The following ENOX1 variants were observed in gnomAD, a reference collection of about 807,000 sequenced individuals.
ENOX1 encodes the protein ecto-NOX disulfide-thiol exchanger 1, also known as candidate growth-related and time keeping constitutive hydroquinone (NADH) oxidase.
Under a neutral mutation model 82.5 loss-of-function variants are expected in ENOX1, and 42 were observed. That is an observed-to-expected ratio of 0.51 (90% CI 0.40 to 0.66). ENOX1 has a LOEUF of 0.66. ENOX1 is among the 30% of genes least tolerant of loss of function. The pLI, the probability that ENOX1 is intolerant of heterozygous loss-of-function variation, is 0.00. For missense variants in ENOX1, 608 were observed against 811.6 expected (o/e 0.75, Z 3.05); for synonymous variants, 271 against 282.2 (o/e 0.96, Z 0.40).
chr13:43,317,633 C>T (rs1476498448), intron 11 of ENOX1, among the ~76,000 whole-genome samples: 7 of 151,632 alleles, frequency 4.6e-5, no homozygotes, highest in African/African-American at 1.7e-4. Flanking sequence ...CCAACCAAAC[C>T]TAATTATGAG....
intron 2 of ENOX1, among the ~76,000 whole-genome samples, chr13:43,625,885 C>T (rs1408911039): frequency 6.6e-6 from 1 of 151,908 alleles, no homozygotes; most frequent in Non-Finnish European, 1.5e-5. Flanking sequence ...GCTTCCTTTC[C>T]TATTTTCTGG....
intron 5 of ENOX1, among the ~76,000 whole-genome samples, chr13:43,409,135 T>C (rs1335868509): frequency 4.1e-5 from 6 of 147,750 alleles, no homozygotes; most frequent in Admixed American, 2.7e-4. Context: ...GAATAGAAAA[T>C]GAAGGAGAAT....
chr13:43,262,155 TA>T (rs1250360819), intron 14 of ENOX1, among the ~76,000 whole-genome samples: 1 of 152,188 alleles, frequency 6.6e-6, no homozygotes, highest in African/African-American at 2.4e-5. Context: ...TGGAAAAAAC[TA>T]AAATAAAGCG....
chr13:43,422,127 T>TA lies in ENOX1; in HGVS notation c.-74-9140dup, dbSNP rs201636762. ...ATTCAAAGTGTCAAAGAATGACAAT[T>TA]AAAAAAAAATCTGTCAGATCTTTCA... On this transcript the variant is annotated intron_variant, in intron 3 of 16. Transcript: ENST00000690772. Among the ~76,000 whole-genome samples, 422 of 151,314 alleles carry TA rather than the reference T, an allele frequency of 2.8e-3. 1 individual carries two copies. Among genetic ancestry groups the TA allele is most frequent in the Middle Eastern group, 0.01 (3 of 292 alleles).
At chr13:43,654,142 CAGG>C (rs2084320657) in intron 2 of ENOX1, among the ~76,000 whole-genome samples, 1 of 152,180 alleles carries the variant, frequency 6.6e-6, no homozygotes, top group Non-Finnish European at 1.5e-5. Context: ...ACTTTAGCTA[CAGG>C]AGGTTACCCT....
chr13:43,373,123 T>C (rs1175168735), intron 5 of ENOX1, among the ~76,000 whole-genome samples: 2 of 152,104 alleles, frequency 1.3e-5, no homozygotes, highest in African/African-American at 4.8e-5. Flanking sequence ...TGCATGTGTA[T>C]ATTAGAGTGT....
intron 2 of ENOX1, among the ~76,000 whole-genome samples, chr13:43,550,679 C>G (rs1409940298): frequency 6.6e-6 from 1 of 152,134 alleles, no homozygotes; most frequent in African/African-American, 2.4e-5. Context: ...GGTGAGAAAA[C>G]AGTGCCTCAA....
intron 1 of ENOX1, among the ~76,000 whole-genome samples, chr13:43,776,289 A>C (rs1951913610): frequency 6.6e-6 from 1 of 152,182 alleles, no homozygotes; most frequent in Non-Finnish European, 1.5e-5. Context: ...TTGGAGGGAG[A>C]TTGCCAAGTT....
At chr13:43,622,290 G>A (rs943609084) in intron 2 of ENOX1, among the ~76,000 whole-genome samples, 5 of 152,174 alleles carry the variant, frequency 3.3e-5, no homozygotes, top group African/African-American at 1.2e-4. Context: ...TGGTGAACTG[G>A]TGTGATATTT....
At chr13:43,676,457 G>C (rs73479962) in intron 1 of ENOX1, among the ~76,000 whole-genome samples, 1 of 152,104 alleles carries the variant, frequency 6.6e-6, no homozygotes, top group Non-Finnish European at 1.5e-5. Flanking sequence ...TCAGAGCTGT[G>C]AGGACTCCCA....
chr13:43,643,636 TATATATATATATACACACAC>T (rs2083761115), intron 2 of ENOX1, among the ~76,000 whole-genome samples: 2 of 145,696 alleles, frequency 1.4e-5, no homozygotes, highest in Non-Finnish European at 3.0e-5. Flanking sequence ...TGTGTGTGTA[TATATATATATATACACACAC>T]ATATATATAT....
At chr13:43,552,628 A>G (rs189772774) in intron 2 of ENOX1, among the ~76,000 whole-genome samples, 295 of 152,216 alleles carry the variant, frequency 1.9e-3, no homozygotes, top group African/African-American at 6.9e-3. Context: ...TGCTGCCTAC[A>G]TGGTAGGCAC....
intron 1 of ENOX1, among the ~76,000 whole-genome samples, chr13:43,723,357 A>C (rs2088704296): frequency 6.6e-6 from 1 of 152,292 alleles, no homozygotes; most frequent in Admixed American, 6.5e-5. Context: ...AAATCTGTAA[A>C]AGCAAAGCTG....
chr13:43,620,319 T>C (rs756106865), intron 2 of ENOX1, among the ~76,000 whole-genome samples: 8 of 152,122 alleles, frequency 5.3e-5, no homozygotes, highest in Non-Finnish European at 8.8e-5. Context: ...GTTTCTCTAG[T>C]TCCTTAAAGT....
intron 3 of ENOX1, among the ~76,000 whole-genome samples, chr13:43,483,700 T>C (rs9525791): frequency 0.34 from 51,703 of 152,054 alleles, 10,281 homozygotes; most frequent in East Asian, 0.79. Context: ...TATATGTAGA[T>C]GCTTGGCATA....
At chr13:43,568,822 T>C (rs866138569) in intron 2 of ENOX1, among the ~76,000 whole-genome samples, 2 of 152,036 alleles carry the variant, frequency 1.3e-5, no homozygotes, top group Admixed American at 6.6e-5. Flanking sequence ...AGAAGGCAAA[T>C]GGATTTCATT....
intron 2 of ENOX1, among the ~76,000 whole-genome samples, chr13:43,616,166 C>CTATATAGA (rs1566641724): frequency 0.17 from 1,488 of 8,926 alleles, 284 homozygotes; most frequent in East Asian, 0.46. Context: ...AGATATCTAT[C>CTATATAGA]TATCTATCTA....
chr13:43,607,081 A>T (rs1052229080), intron 2 of ENOX1, among the ~76,000 whole-genome samples: 1 of 152,200 alleles, frequency 6.6e-6, no homozygotes, highest in Non-Finnish European at 1.5e-5. Flanking sequence ...ATTATACATT[A>T]AAAAATAACT....
chr13:43,247,036 T>G (rs1013394138), intron 14 of ENOX1, among the ~76,000 whole-genome samples: 9 of 152,204 alleles, frequency 5.9e-5, no homozygotes, highest in Admixed American at 4.6e-4. Flanking sequence ...AAGTATTGCC[T>G]CTAGGCTGGG....
Sources: gnomAD v4.1 joint callset for allele counts (sites outside exome capture counted in the v4.1 genomes callset) on GRCh38, gnomAD v4.1.1 for gene constraint, MANE v1.5 for transcripts, NCBI Gene and HGNC (gene_info 2026-07-23, HGNC 2026-07-21) for gene names.